The following DNAH2 variants were observed in gnomAD, a reference collection of about 807,000 sequenced individuals.
DNAH2 encodes axonemal beta dynein heavy chain 2.
DNAH2 carries 323 observed loss-of-function variants against 523.5 expected under a neutral mutation model. The observed-to-expected ratio is 0.62, with a 90% CI of 0.56 to 0.68. The LOEUF (loss-of-function observed/expected upper bound fraction) is 0.68, where lower values mean the gene tolerates loss of function less well. DNAH2 is among the 30% of genes least tolerant of loss of function. The probability of loss-of-function intolerance (pLI) is 0.00; values close to 1 mark genes in which losing one functional copy is unlikely to be tolerated. For synonymous variants in DNAH2, 2,093 were observed against 2,177.4 expected (o/e 0.96, Z 1.08); for missense variants, 4,907 against 5,701.5 (o/e 0.86, Z 4.49).
intron 17 of DNAH2, 60 bp downstream of exon 17, chr17:7,759,998 G>C (rs989564950): frequency 3.7e-6 from 6 of 1,610,780 alleles, no homozygotes; most frequent in Admixed American, 1.7e-5. Flanking sequence ...GAGTGGGCCA[G>C]GCCAGGAGGA....
chr17:7,723,765 C>T, intron 3 of DNAH2, 76 bp downstream of exon 3: 5 of 1,285,462 alleles, frequency 3.9e-6, no homozygotes, highest in Non-Finnish European at 5.6e-6. Flanking sequence ...GTGGATGGCA[C>T]ATGAGGAATT....
chr17:7,821,449 C>T lies in DNAH2; in HGVS notation c.11142+80C>T. On this transcript the variant is annotated intron_variant, in intron 73 of 85. Coordinates refer to ENST00000572933, the MANE Select transcript of DNAH2 (RefSeq NM_020877.5). The surrounding 1 kb of genome is among the most constrained non-coding windows in gnomAD (Gnocchi z 5.0). Reference sequence around the variant, plus strand: ...GGCAAGTGTGACAAGGACTCCAGACCCAGAGGGTCAGGCCCACAGCATCAG... The same window carrying T: ...GGCAAGTGTGACAAGGACTCCAGACTCAGAGGGTCAGGCCCACAGCATCAG... 2 of 1,506,746 alleles carry T rather than the reference C, an allele frequency of 1.3e-6. No individual in the cohort carries two copies. Among genetic ancestry groups the T allele is most frequent in the South Asian group, 2.6e-5 (2 of 77,442 alleles). 93.3% of individuals were successfully genotyped at this position (1,506,746 alleles called of 1,614,324 possible). A position where few individuals can be genotyped will look rare whatever the true frequency, so the allele number is the denominator to read the frequency against.
rs778265938 is a variant in DNAH2, at chr17:7,719,887, C to T, written c.153C>T (p.Pro51=). ...AGCCAGAGCTGCAGGCTGAGCTCCC[C>T]AAGGAGGAGCCTGGTGGGTACTTGC... ...VSEPELQAEL[P]KEEPEPRLEG... is the part of the protein sequence containing the mutation. The change falls in exon 2 of 86, where the codon CCC becomes CCT. Residue 51 remains proline (P), a synonymous_variant. Coordinates refer to ENST00000572933, the MANE Select transcript of DNAH2 (RefSeq NM_020877.5). 6.4e-7 allele frequency: 1 copy of T among 1,553,156 alleles called. No homozygotes were observed. Among genetic ancestry groups the T allele is most frequent in the South Asian group, 1.2e-5 (1 of 81,046 alleles).
At position 7,831,027 on chromosome 17, in the gene DNAH2, G is replaced by T. The variant is rs907364255; in HGVS notation, c.12231-59G>T. 3.8e-6 allele frequency: 6 copies of T among 1,566,402 alleles called. No homozygotes were observed. In the Middle Eastern group the frequency reaches 5.1e-4, roughly 133 times the overall value. On this transcript the variant is annotated intron_variant, in intron 79 of 85. Coordinates refer to ENST00000572933, the MANE Select transcript of DNAH2 (RefSeq NM_020877.5). This position sits in a 1 kb window ranked among gnomAD's most constrained non-coding sequence, Gnocchi z 4.2. ...GGACATGCATAGGTTTGGGGTCTTG[G>T]CCTGGCATTGAGGGCTGAGTCCCCA...
Position 7,804,338 on chromosome 17 carries a change from G to C in DNAH2, c.9055G>C (p.Glu3019Gln). 1.2e-6 allele frequency: 2 copies of C among 1,614,222 alleles called. No homozygotes were observed. The highest frequency in any genetic ancestry group is 1.7e-6 in the Non-Finnish European group (2 of 1,180,054). ...TGLFKIDETR[E>Q]KVQVMSLELE... ...CTTGTTCAAGATCGACGAAACTAGGGAAAAGGTGCAAGTGATGTCGTTGGA... is the reference window on the plus strand; with the variant it reads ...CTTGTTCAAGATCGACGAAACTAGGCAAAAGGTGCAAGTGATGTCGTTGGA... The change falls in exon 59 of 86, where the codon GAA (glutamate) becomes CAA (glutamine). Residue 3019 changes from glutamate (E) to glutamine (Q), a missense_variant. Physicochemically the swap from Glu to Gln is conservative, Grantham distance 29. Around this residue, in one of 3 missense-constraint regions of DNAH2, gnomAD observed 1,851 missense variants for 2,139.4 expected, o/e 0.87. Coordinates refer to ENST00000572933, the MANE Select transcript of DNAH2 (RefSeq NM_020877.5).
In DNAH2 at chr17:7,804,364, G is replaced by C; in HGVS notation, c.9081G>C (p.Glu3027Asp). The C allele has an allele frequency of 6.2e-7, 1 of 1,614,190 alleles. No homozygotes were observed. The highest frequency in any genetic ancestry group is 8.5e-7 in the Non-Finnish European group (1 of 1,180,036). ...TREKVQVMSL[E>D]LEDAKKKVAE... ...AAAAGGTGCAAGTGATGTCGTTGGAGCTGGAGGATGCCAAGAAGAAGGTGG... is the reference window on the plus strand; with the variant it reads ...AAAAGGTGCAAGTGATGTCGTTGGACCTGGAGGATGCCAAGAAGAAGGTGG... Residue 3027 changes from glutamate (E) to aspartate (D), a missense_variant, in exon 59 of 86, where the codon GAG (glutamate) becomes GAC (aspartate). Around this residue, in one of 3 missense-constraint regions of DNAH2, gnomAD observed 1,851 missense variants for 2,139.4 expected, o/e 0.87. Coordinates refer to ENST00000572933, the MANE Select transcript of DNAH2 (RefSeq NM_020877.5).
At position 7,759,061 on chromosome 17, in the gene DNAH2, G is replaced by A. The variant is rs749862018; in HGVS notation, c.2385G>A (p.Leu795=). 1.2e-6 allele frequency: 2 copies of A among 1,614,044 alleles called. No homozygotes were observed. The highest frequency in any genetic ancestry group is 2.7e-5 in the African/African-American group (2 of 74,916). The change falls in exon 15 of 86, where the codon CTG becomes CTA. Residue 795 remains leucine, a synonymous_variant. Transcript: ENST00000572933. ...CTGTACAGCAGAAATTGATGAACCTGCACCAGGATGTGGTGACCATCATGA... is the reference window on the plus strand; with the variant it reads ...CTGTACAGCAGAAATTGATGAACCTACACCAGGATGTGGTGACCATCATGA... ...RAAVQQKLMN[L]HQDVVTIMTN... is the part of the protein sequence containing the mutation.
rs796439698 is a variant in DNAH2, at chr17:7,754,966, G to GA, written c.1905-2110dup. ...TATTGGTACAAATAAGCCTGAGGCA[G>GA]AAAAAAAAAAAAAAAGAATAGGCAG... On this transcript the variant is annotated intron_variant, in intron 12 of 85. Coordinates refer to ENST00000572933, the MANE Select transcript of DNAH2 (RefSeq NM_020877.5). The surrounding 1 kb of genome is among the most constrained non-coding windows in gnomAD (Gnocchi z 4.6). The GA allele has an allele frequency of 0.12, 32,995 of 272,060 alleles. 3 individuals carry two copies. Among genetic ancestry groups the GA allele is most frequent in the Middle Eastern group, 0.19 (178 of 948 alleles). The allele number at this position is 272,060 out of a possible 1,614,324, so 16.9% of individuals were successfully genotyped here.
chr17:7,734,110 T>A, intron 5 of DNAH2, 73 bp from the exon 6 acceptor site: 1 of 1,340,786 alleles, frequency 7.5e-7, no homozygotes, highest in South Asian at 1.3e-5. Context: ...CTACCGATCA[T>A]CAACCGTGAT....
chr17:7,764,087 C>T (rs764593668), intron 19 of DNAH2, 30 bp from the exon 20 acceptor site: 2 of 1,614,216 alleles, frequency 1.2e-6, no homozygotes, highest in Non-Finnish European at 1.7e-6. Context: ...GGGCCTTCCA[C>T]TCACTAGCAC....
At position 7,796,607 on chromosome 17, in the gene DNAH2, G is replaced by A. The variant is rs748951231; in HGVS notation, c.7818G>A (p.Thr2606=). 1.2e-6 allele frequency: 2 copies of A among 1,612,892 alleles called. No individual in the cohort carries two copies. Among genetic ancestry groups the A allele is most frequent in the Non-Finnish European group, 8.5e-7 (1 of 1,179,806 alleles). ...YNTVVQRFLP[T]PTKMHYLFNL... The stretch of plus-strand genomic sequence containing the variant: ...CCGTGGTACAGCGCTTCCTGCCCAC[G>A]CCCACCAAGATGCATTACCTCTTCA... Residue 2606 remains threonine, a synonymous_variant, in exon 50 of 86, where the codon ACG becomes ACA. Coordinates refer to ENST00000572933, the MANE Select transcript of DNAH2 (RefSeq NM_020877.5).
chr17:7,741,240 T>TC (rs2075311621), intron 11 of DNAH2, among the ~76,000 whole-genome samples: 2 of 26,814 alleles, frequency 7.5e-5, no homozygotes, highest in African/African-American at 1.3e-4. Flanking sequence ...CTCTCTCTCT[T>TC]TCTTTCTTTC....
intron 65 of DNAH2, 35 bp downstream of exon 65, chr17:7,817,450 G>C: frequency 6.2e-7 from 1 of 1,613,562 alleles, no homozygotes; most frequent in African/African-American, 1.3e-5. Context: ...AGTAGGCTCC[G>C]AGACCAGGGC....
Position 7,823,784 on chromosome 17 carries a change from G to A in DNAH2, c.11330-50G>A, listed in dbSNP as rs772349273. 1.5e-5 allele frequency: 24 copies of A among 1,598,786 alleles called. No individual in the cohort carries two copies. In the Admixed American group the frequency reaches 2.2e-4, roughly 15 times the overall value. ...AGGTGCCCCTTTGTCTGGATTCCCC[G>A]CTCTTCCAGACTCACTCCCTCTCCC... On this transcript the variant is annotated intron_variant, in intron 74 of 85. Coordinates refer to ENST00000572933, the MANE Select transcript of DNAH2 (RefSeq NM_020877.5).
At chr17:7,785,984 T>C in intron 39 of DNAH2, 140 bp from the exon 40 acceptor site, 1 of 812,118 alleles carries the variant, frequency 1.2e-6, no homozygotes, top group South Asian at 1.8e-5. Flanking sequence ...TCCCAATGAG[T>C]GAACAGAGCC....
At chr17:7,771,064 G>T (rs544803077) in intron 27 of DNAH2, 131 bp downstream of exon 27, 29 of 1,091,794 alleles carry the variant, frequency 2.7e-5, no homozygotes, top group Middle Eastern at 3.1e-4. Flanking sequence ...GGACCCAGCT[G>T]TCTGATTCTT....
At chr17:7,796,935 C>CAAAAA (rs370280901) in intron 50 of DNAH2, among the ~76,000 whole-genome samples, 3 of 116,158 alleles carry the variant, frequency 2.6e-5, no homozygotes, top group Non-Finnish European at 3.5e-5. Context: ...ATTAAAAATA[C>CAAAAA]AAAAAAAAAA....
At position 7,814,391 on chromosome 17, in the gene DNAH2, A is replaced by G. The variant is rs538304753; in HGVS notation, c.9730-2180A>G. Among the ~76,000 whole-genome samples the G allele has an allele frequency of 3.3e-5, 5 of 152,240 alleles. No homozygotes were observed. In the East Asian group the frequency reaches 9.6e-4, roughly 29 times the overall value. On this transcript the variant is annotated intron_variant, in intron 63 of 85. Transcript: ENST00000572933. Reference sequence around the variant, plus strand: ...TTTTGGCAAAAAACAAGTAGATGAAATATATATAGCAAAATGTTAACTGTG... The same window carrying G: ...TTTTGGCAAAAAACAAGTAGATGAAGTATATATAGCAAAATGTTAACTGTG...
Position 7,786,481 on chromosome 17 carries a change from G to A in DNAH2, c.6349-89G>A. ...TGGTGGCCTGGAGCGATGAGAGAAG[G>A]GACAAATGCACGTACCTAAGAGGGG... is the stretch of plus-strand genomic sequence containing the variant. On this transcript the variant is annotated intron_variant, in intron 40 of 85. Coordinates refer to ENST00000572933, the MANE Select transcript of DNAH2 (RefSeq NM_020877.5). This position sits in a 1 kb window ranked among gnomAD's most constrained non-coding sequence, Gnocchi z 7.5. The A allele has an allele frequency of 6.8e-7, 1 of 1,477,068 alleles. No individual in the cohort carries two copies. The highest frequency in any genetic ancestry group is 9.3e-7 in the Non-Finnish European group (1 of 1,073,224). 91.5% of individuals were successfully genotyped at this position (1,477,068 alleles called of 1,614,324 possible). A position where few individuals can be genotyped will look rare whatever the true frequency, so the allele number is the denominator to read the frequency against.
Sources: allele counts gnomAD v4.1 joint callset (sites outside exome capture counted in the v4.1 genomes callset), GRCh38; gene constraint gnomAD v4.1.1; regional missense constraint gnomAD v4.1.1; non-coding constraint Gnocchi (gnomAD v3.1); transcripts MANE v1.5; gene names NCBI Gene and HGNC (gene_info 2026-07-23, HGNC 2026-07-21).